CDH12: variants seen among roughly 807,000 people sequenced by gnomAD.
CDH12 encodes the protein cadherin 12.
Under a neutral mutation model 74.1 loss-of-function variants are expected in CDH12, and 41 were observed. That is an observed-to-expected ratio of 0.55 (90% CI 0.43 to 0.72). The LOEUF (loss-of-function observed/expected upper bound fraction) is 0.72, where lower values mean the gene tolerates loss of function less well. Among genes scored for constraint, CDH12 ranks in the 30% least tolerant of loss-of-function variants. The pLI, the probability that CDH12 is intolerant of heterozygous loss-of-function variation, is 0.00. For synonymous variants in CDH12, 399 were observed against 355.0 expected (o/e 1.12, Z -1.39); for missense variants, 945 against 977.2 (o/e 0.97, Z 0.44).
At chr5:22,122,105 T>C (rs1376302434) in intron 4 of CDH12, among the ~76,000 whole-genome samples, 1 of 152,082 alleles carries the variant, frequency 6.6e-6, no homozygotes, top group East Asian at 1.9e-4. Context: ...TTTAGCCATA[T>C]ATTAAAACTC....
chr5:22,666,350 C>G (rs1740621178), intron 1 of CDH12, among the ~76,000 whole-genome samples: 2 of 138,650 alleles, frequency 1.4e-5, no homozygotes, highest in Non-Finnish European at 1.5e-5. Flanking sequence ...AGTGCAGTGG[C>G]ACGATCTCGG....
chr5:22,609,997 T>C (rs1737314232), intron 1 of CDH12, among the ~76,000 whole-genome samples: 1 of 152,274 alleles, frequency 6.6e-6, no homozygotes, highest in Non-Finnish European at 1.5e-5. Context: ...CATTGATTGC[T>C]GCTTACTAAT....
intron 1 of CDH12, among the ~76,000 whole-genome samples, chr5:22,613,864 T>C (rs886376840): frequency 6.6e-6 from 1 of 152,074 alleles, no homozygotes; most frequent in African/African-American, 2.4e-5. Flanking sequence ...AAATGCTAGA[T>C]TGTAGCTAAA....
chr5:22,221,593 A>G (rs1422037725), intron 3 of CDH12, among the ~76,000 whole-genome samples: 1 of 151,894 alleles, frequency 6.6e-6, no homozygotes, highest in Non-Finnish European at 1.5e-5. Context: ...GGCTGCTTTC[A>G]TGCTCCCGCT....
chr5:21,931,078 A>G (rs1754815450), intron 6 of CDH12, among the ~76,000 whole-genome samples: 2 of 152,188 alleles, frequency 1.3e-5, no homozygotes, highest in South Asian at 4.1e-4. Flanking sequence ...TTGTTTTATG[A>G]CATAACTTTT....
chr5:22,425,160 TATATATATATAA>T (rs1379911461), intron 2 of CDH12, among the ~76,000 whole-genome samples: 28 of 133,902 alleles, frequency 2.1e-4, no homozygotes, highest in African/African-American at 6.1e-4. Context: ...TGTGTATATA[TATATATATATAA>T]ATATATATAT....
intron 2 of CDH12, among the ~76,000 whole-genome samples, chr5:22,432,902 G>T (rs549515209): frequency 6.6e-6 from 1 of 152,158 alleles, no homozygotes; most frequent in Non-Finnish European, 1.5e-5. Context: ...GGGATCTGTG[G>T]ACGGCCAGAG....
chr5:22,069,344 T>C (rs1176755806), intron 5 of CDH12, among the ~76,000 whole-genome samples: 1 of 152,130 alleles, frequency 6.6e-6, no homozygotes, highest in Non-Finnish European at 1.5e-5. Flanking sequence ...CTTGCAGGGC[T>C]GGGGCAAGGG....
intron 1 of CDH12, among the ~76,000 whole-genome samples, chr5:22,822,835 G>A (rs1183215982): frequency 6.6e-6 from 1 of 152,048 alleles, no homozygotes; most frequent in Non-Finnish European, 1.5e-5. Context: ...CCATTTCTCA[G>A]GGATCTAGAA....
At chr5:22,363,956 G>C (rs934396556) in intron 3 of CDH12, among the ~76,000 whole-genome samples, 3 of 152,140 alleles carry the variant, frequency 2.0e-5, no homozygotes, top group Non-Finnish European at 4.4e-5. Flanking sequence ...ATAAACATGG[G>C]CTTTTATCCT....
chr5:21,878,439 A>G (rs1350667688), intron 6 of CDH12, among the ~76,000 whole-genome samples: 4 of 152,110 alleles, frequency 2.6e-5, no homozygotes, highest in Non-Finnish European at 5.9e-5. Flanking sequence ...GGAGGTTTGA[A>G]CAATACTCAC....
At chr5:22,378,101 A>G (rs1286738203) in intron 3 of CDH12, among the ~76,000 whole-genome samples, 1 of 152,150 alleles carries the variant, frequency 6.6e-6, no homozygotes, top group Admixed American at 6.6e-5. Context: ...ACATGTTAAT[A>G]TCTTTGGTCT....
chr5:22,432,032 C>T (rs1252405611), intron 2 of CDH12, among the ~76,000 whole-genome samples: 1 of 152,128 alleles, frequency 6.6e-6, no homozygotes, highest in Non-Finnish European at 1.5e-5. Context: ...CCTAGGCGTT[C>T]AAACTCATGG....
intron 1 of CDH12, among the ~76,000 whole-genome samples, chr5:22,675,206 G>T (rs1173897841): frequency 1.3e-5 from 2 of 152,088 alleles, no homozygotes; most frequent in African/African-American, 4.8e-5. Context: ...TCCTGTGCTG[G>T]GCGCAGTCTA....
At chr5:21,840,049 A>G (rs1185585148) in intron 8 of CDH12, among the ~76,000 whole-genome samples, 1 of 152,214 alleles carries the variant, frequency 6.6e-6, no homozygotes, top group African/African-American at 2.4e-5. Context: ...TTACAAAACT[A>G]AAATGAAATA....
At chr5:22,834,228 C>A (rs957184088) in intron 1 of CDH12, among the ~76,000 whole-genome samples, 1 of 152,090 alleles carries the variant, frequency 6.6e-6, no homozygotes, top group African/African-American at 2.4e-5. Flanking sequence ...GGTCAAATGG[C>A]CTTTTTTCAT....
At chr5:21,829,693 T>A (rs1748895208) in intron 8 of CDH12, among the ~76,000 whole-genome samples, 1 of 152,178 alleles carries the variant, frequency 6.6e-6, no homozygotes, top group Admixed American at 6.5e-5. Context: ...TTAGGATGCT[T>A]TCACATCTGT....
At chr5:22,841,815 A>C (rs1737094833) in intron 1 of CDH12, among the ~76,000 whole-genome samples, 1 of 152,190 alleles carries the variant, frequency 6.6e-6, no homozygotes, top group Non-Finnish European at 1.5e-5. Flanking sequence ...GTCTACACTT[A>C]TGCATTTTTG....
chr5:22,451,435 A>G (rs749431246), intron 2 of CDH12, among the ~76,000 whole-genome samples: 36 of 151,956 alleles, frequency 2.4e-4, no homozygotes, highest in Admixed American at 2.3e-3. Flanking sequence ...ATCAATACAC[A>G]TGATCTAGCA....
Sources: gnomAD v4.1 joint callset for allele counts (sites outside exome capture counted in the v4.1 genomes callset) on GRCh38, gnomAD v4.1.1 for gene constraint, MANE v1.5 for transcripts, NCBI Gene and HGNC (gene_info 2026-07-23, HGNC 2026-07-21) for gene names.